The following ANKRD66 variants were observed in gnomAD, a reference collection of about 807,000 sequenced individuals.
The protein encoded by ANKRD66 is ankyrin repeat domain 66, also known as ankyrin repeat domain-containing protein 66.
ANKRD66 carries 10 observed loss-of-function variants against 10.9 expected under a neutral mutation model. The ratio of observed to expected loss-of-function variants is 0.91; its 90% confidence interval spans 0.56 to 1.55. ANKRD66 has a LOEUF of 1.55. Ranked by LOEUF, ANKRD66 falls within the 40% of genes most tolerant of loss-of-function variation. ANKRD66 has a pLI of 0.00. For synonymous variants in ANKRD66, 85 were observed against 88.4 expected, an observed-to-expected ratio of 0.96 and a Z score of 0.22; for missense variants, 252 against 242.9, an observed-to-expected ratio of 1.04 and a Z score of -0.25.
intron 3 of ANKRD66, among the ~76,000 whole-genome samples, chr6:46,753,498 G>C (rs866936738): frequency 6.6e-6 from 1 of 152,140 alleles, no homozygotes; most frequent in African/African-American, 2.4e-5. Flanking sequence ...GGGAAGGCTT[G>C]CAAGGCTCAG....
intron 1 of ANKRD66, among the ~76,000 whole-genome samples, chr6:46,748,007 A>T (rs1431724306): frequency 6.6e-6 from 1 of 152,246 alleles, no homozygotes; most frequent in East Asian, 1.9e-4. Flanking sequence ...AAAACGGATC[A>T]CAGACCTAAA....
chr6:46,751,471 C>A (rs1001278496), intron 2 of ANKRD66, among the ~76,000 whole-genome samples: 4 of 152,102 alleles, frequency 2.6e-5, no homozygotes, highest in Non-Finnish European at 4.4e-5. Flanking sequence ...TCATGGAGTA[C>A]CTGCTCTGTA....
chr6:46,747,049 T>C lies in ANKRD66; in HGVS notation c.-97+59T>C, dbSNP rs941235525. The stretch of plus-strand genomic sequence containing the variant: ...TATAGTTATTAAAAATCACTCACAT[T>C]TATTAAAACTGATATTTATTGACTA... On this transcript the variant is annotated intron_variant, in intron 1 of 4. Coordinates refer to ENST00000565422, the MANE Select transcript of ANKRD66 (RefSeq NM_001162435.3). 3.8e-5 allele frequency: 56 copies of C among 1,491,138 alleles called. No individual in the cohort carries two copies. The African/African-American group carries it at 5.7e-4, about 15-fold the overall frequency. The allele number at this position is 1,491,138 out of a possible 1,614,324, so 92.4% of individuals were successfully genotyped here.
chr6:46,749,984 G>A lies in ANKRD66; in HGVS notation c.-13+5G>A. 1.5e-6 allele frequency: 2 copies of A among 1,377,166 alleles called. No homozygotes were observed. Among genetic ancestry groups the A allele is most frequent in the South Asian group, 1.2e-5 (1 of 80,534 alleles). 85.3% of individuals were successfully genotyped at this position (1,377,166 alleles called of 1,614,324 possible). A position where few individuals can be genotyped will look rare whatever the true frequency, so the allele number is the denominator to read the frequency against. ...CTGCCCAGAGTTTCAGATTCTGTAAGTCTGGGGCTGAGCACAATAATTTGC... is the reference window on the plus strand; with the variant it reads ...CTGCCCAGAGTTTCAGATTCTGTAAATCTGGGGCTGAGCACAATAATTTGC... On this transcript the variant is annotated splice_donor_5th_base_variant and intron_variant, in intron 2 of 4. Coordinates refer to ENST00000565422, the MANE Select transcript of ANKRD66 (RefSeq NM_001162435.3).
intron 3 of ANKRD66, among the ~76,000 whole-genome samples, 192 bp from the exon 4 acceptor site, chr6:46,753,530 C>T (rs966316872): frequency 2.0e-5 from 3 of 151,898 alleles, no homozygotes; most frequent in African/African-American, 4.8e-5. Flanking sequence ...GAACAAGGTT[C>T]GTGGGGTGAG....
intron 2 of ANKRD66, 29 bp downstream of exon 2, chr6:46,750,008 G>C: frequency 8.0e-7 from 1 of 1,251,878 alleles, no homozygotes. Context: ...ACAATAATTT[G>C]CATTTCTAAC....
intron 1 of ANKRD66, among the ~76,000 whole-genome samples, chr6:46,747,944 T>C (rs1203383903): frequency 1.3e-5 from 2 of 152,108 alleles, no homozygotes; most frequent in Non-Finnish European, 2.9e-5. Context: ...AAAACCCTTA[T>C]ATTTATGTTC....
intron 4 of ANKRD66, among the ~76,000 whole-genome samples, chr6:46,755,724 AAGTT>A (rs1039825871): frequency 6.6e-6 from 1 of 152,056 alleles, no homozygotes; most frequent in Non-Finnish European, 1.5e-5. Context: ...AACAAACAAA[AAGTT>A]AGAGGCCCTT....
At chr6:46,753,146 C>T (rs145025810) in intron 3 of ANKRD66, among the ~76,000 whole-genome samples, 1 of 152,294 alleles carries the variant, frequency 6.6e-6, no homozygotes, top group African/African-American at 2.4e-5. Context: ...TTCACCTGCA[C>T]TCTACAAGAA....
At chr6:46,754,793 T>C (rs1766348299) in intron 4 of ANKRD66, among the ~76,000 whole-genome samples, 1 of 152,198 alleles carries the variant, frequency 6.6e-6, no homozygotes, top group African/African-American at 2.4e-5. Context: ...TTAAAGGTAA[T>C]GTCTTACATT....
chr6:46,748,415 G>A (rs755782620), intron 1 of ANKRD66, among the ~76,000 whole-genome samples: 2 of 152,088 alleles, frequency 1.3e-5, no homozygotes, highest in Admixed American at 6.5e-5. Flanking sequence ...CTGCTTAAAG[G>A]CCTCTATGAA....
In ANKRD66 at chr6:46,758,786, G is replaced by A. The variant is rs1047099995; in HGVS notation, c.456G>A (p.Glu152=). ...AAQQKGLPLD[E]RDEDWDAKKR... ...AGCAGAAGGGGCTGCCTCTGGATGA[G>A]CGTGATGAAGACTGGGATGCCAAGA... Residue 152 remains glutamate, a synonymous_variant, in exon 5 of 5, where the codon GAG becomes GAA. Transcript: ENST00000565422. 13 of 1,551,256 alleles carry A rather than the reference G, an allele frequency of 8.4e-6. No individual in the cohort carries two copies. The Admixed American group carries it at 2.2e-4, about 26-fold the overall frequency.
At chr6:46,750,027 AGGG>A (rs1766234009) in intron 2 of ANKRD66, 48 bp downstream of exon 2, 1 of 989,934 alleles carries the variant, frequency 1.0e-6, no homozygotes, top group Non-Finnish European at 1.6e-6. Context: ...ACAAGTTCCC[AGGG>A]GCTGCTGCTG....
chr6:46,758,983 G>T lies in ANKRD66; in HGVS notation c.*62G>T. On this transcript the variant is annotated 3_prime_UTR_variant, in exon 5 of 5. Coordinates refer to ENST00000565422, the MANE Select transcript of ANKRD66 (RefSeq NM_001162435.3). ...CTGGTGCCAGAAATGAGGCTGTTAG[G>T]CATGGTGGCCTTTCCATGACTTTAC... 4 of 1,457,712 alleles carry T rather than the reference G, an allele frequency of 2.7e-6. No individual in the cohort carries two copies. Among genetic ancestry groups the T allele is most frequent in the Non-Finnish European group, 2.8e-6 (3 of 1,088,580 alleles). The allele number at this position is 1,457,712 out of a possible 1,614,324, so 90.3% of individuals were successfully genotyped here.
chr6:46,753,805 T>C lies in ANKRD66; in HGVS notation c.247T>C (p.Phe83Leu). The C allele has an allele frequency of 6.4e-7, 1 of 1,551,640 alleles. No individual in the cohort carries two copies. Among genetic ancestry groups the C allele is most frequent in the Non-Finnish European group, 8.7e-7 (1 of 1,146,976 alleles). Residue 83 changes from phenylalanine to leucine, a missense_variant, in exon 4 of 5, where the codon TTT becomes CTT. Coordinates refer to ENST00000565422, the MANE Select transcript of ANKRD66 (RefSeq NM_001162435.3). ...TAGTGTGGGCTGGACCCCAGCTCATTTTGCAGCAGAAGCAGGCCATCTGAA... is the reference window on the plus strand; with the variant it reads ...TAGTGTGGGCTGGACCCCAGCTCATCTTGCAGCAGAAGCAGGCCATCTGAA... ...VTSVGWTPAH[F>L]AAEAGHLNIL... is the part of the protein sequence containing the mutation.
At chr6:46,756,472 T>C (rs1766386337) in intron 4 of ANKRD66, 1 of 161,592 alleles carries the variant, frequency 6.2e-6, no homozygotes, top group Non-Finnish European at 1.3e-5. Context: ...TTTGCTTGAA[T>C]ATTATGATAG....
At chr6:46,754,087 A>T in intron 4 of ANKRD66, 137 bp downstream of exon 4, 1 of 784,206 alleles carries the variant, frequency 1.3e-6, no homozygotes, top group Non-Finnish European at 1.9e-6. Context: ...ATTTTTATTG[A>T]TTTTTTTAGT....
chr6:46,753,104 G>T (rs1439146772), intron 3 of ANKRD66, among the ~76,000 whole-genome samples: 2 of 152,170 alleles, frequency 1.3e-5, no homozygotes, highest in African/African-American at 4.8e-5. Context: ...GCTATGTGCT[G>T]GGCACTGTGC....
At position 46,749,982 on chromosome 6, in the gene ANKRD66, A is replaced by C. The variant is rs1463057121; in HGVS notation, c.-13+3A>C. Reference sequence around the variant, plus strand: ...CCCTGCCCAGAGTTTCAGATTCTGTAAGTCTGGGGCTGAGCACAATAATTT... The same window carrying C: ...CCCTGCCCAGAGTTTCAGATTCTGTCAGTCTGGGGCTGAGCACAATAATTT... On this transcript the variant is annotated splice_donor_region_variant and intron_variant, in intron 2 of 4. Coordinates refer to ENST00000565422, the MANE Select transcript of ANKRD66 (RefSeq NM_001162435.3). 1 of 1,403,226 alleles carries C rather than the reference A, an allele frequency of 7.1e-7. No individual in the cohort carries two copies. Among genetic ancestry groups the C allele is most frequent in the Non-Finnish European group, 9.9e-7 (1 of 1,012,220 alleles). 86.9% of individuals were successfully genotyped at this position (1,403,226 alleles called of 1,614,324 possible).
Sources: gnomAD v4.1 joint callset for allele counts (sites outside exome capture counted in the v4.1 genomes callset) on GRCh38, gnomAD v4.1.1 for gene constraint, MANE v1.5 for transcripts, NCBI Gene and HGNC (gene_info 2026-07-23, HGNC 2026-07-21) for gene names.